CELF2: variants seen among roughly 807,000 people sequenced by gnomAD.
CELF2 encodes the protein CUGBP Elav-like family member 2.
A neutral mutation model predicts 62.6 loss-of-function variants in CELF2; 8 were observed. That is an observed-to-expected ratio of 0.13 (90% confidence interval 0.07 to 0.23). The LOEUF (loss-of-function observed/expected upper bound fraction) is 0.23. Among genes scored for constraint, CELF2 ranks in the 10% least tolerant of loss-of-function variants. CELF2 has a pLI of 1.00. For missense variants in CELF2, 333 were observed against 671.0 expected (o/e 0.50, Z 5.56); for synonymous variants, 258 against 250.0 (o/e 1.03, Z -0.30).
rs370622636 is a variant in CELF2 at position 11,243,705 on chromosome 10, G to A, written c.355-5448G>A. On this transcript the variant is annotated intron_variant, in intron 3 of 12. Transcript: ENST00000633077. This position sits in a 1 kb window ranked among gnomAD's most constrained non-coding sequence, Gnocchi z 4.1. ...TGGTGTTTGTAAAATTCTTAGACTC[G>A]TCGAACAGCATAGACAGATCATGAC... Among the ~76,000 whole-genome samples the A allele has an allele frequency of 3.0e-4, 45 of 152,272 alleles. No individual in the cohort carries two copies. The East Asian group carries it at 5.6e-3, about 19-fold the overall frequency.
chr10:10,741,927 T>A, the CELF2 span, among the ~76,000 whole-genome samples: 1 of 152,232 alleles, frequency 6.6e-6, no homozygotes. Flanking sequence ...GATTTCTCTA[T>A]TTCATTCTTT....
chr10:10,474,315 C>T, the CELF2 span, among the ~76,000 whole-genome samples: 459 of 151,996 alleles, frequency 3.0e-3, 3 homozygotes, highest in African/African-American at 0.011. Context: ...AATACCATAA[C>T]AAAAACAAGC....
chr10:10,936,440 T>G lies in CELF2; in HGVS notation c.89+16441T>G, dbSNP rs11256927. Among the ~76,000 whole-genome samples, 6,448 of 152,280 alleles carry G rather than the reference T, an allele frequency of 0.042. 428 individuals carry two copies. Among genetic ancestry groups the G allele is most frequent in the Admixed American group, 0.19 (2,924 of 15,294 alleles). ...TGGAACCTGTTTTGCATCGTCTCCT[T>G]GTTTCACAGATGAATAGGCTGAAGA... On this transcript the variant is annotated intron_variant, in intron 2 of 13. Coordinates refer to the CELF2 transcript ENST00000636488. The surrounding 1 kb of genome is among the most constrained non-coding windows in gnomAD (Gnocchi z 4.0).
At chr10:10,978,367 T>C (rs1299147276) in intron 2 of CELF2, among the ~76,000 whole-genome samples, 1 of 152,192 alleles carries the variant, frequency 6.6e-6, no homozygotes, top group Non-Finnish European at 1.5e-5. Context: ...GAATCCATCA[T>C]AAAAAATTGG....
At chr10:10,683,689 T>C in the CELF2 span, among the ~76,000 whole-genome samples, 2 of 152,202 alleles carry the variant, frequency 1.3e-5, no homozygotes, top group African/African-American at 4.8e-5. Context: ...AAAACACATA[T>C]GCATTGCGTG....
At chr10:10,658,305 C>A in the CELF2 span, among the ~76,000 whole-genome samples, 2 of 152,164 alleles carry the variant, frequency 1.3e-5, no homozygotes, top group Non-Finnish European at 2.9e-5. Flanking sequence ...TTTGTTCTGT[C>A]TTAAACTGTT....
At position 10,920,000 on chromosome 10, in the gene CELF2, G is replaced by A; in HGVS notation, c.89+1G>A. 8.1e-7 allele frequency: 1 copy of A among 1,231,492 alleles called. No homozygotes were observed. Among genetic ancestry groups the A allele is most frequent in the Non-Finnish European group, 1.0e-6 (1 of 987,804 alleles). The allele number at this position is 1,231,492 out of a possible 1,614,324, so 76.3% of individuals were successfully genotyped here. The stretch of plus-strand genomic sequence containing the variant: ...CAGAGTTAGCTGGGAGTCTACCAAG[G>A]TGAGCACGCTGGCTTTGCTTATTCT... On this transcript the variant is annotated splice_donor_variant, in intron 2 of 13. Transcript: ENST00000636488. LOFTEE classifies it high-confidence loss of function.
chr10:11,046,637 T>A lies in CELF2; in HGVS notation c.74+28474T>A, dbSNP rs2139798210. Among the ~76,000 whole-genome samples, 1 of 152,262 alleles carries A rather than the reference T, an allele frequency of 6.6e-6. No homozygotes were observed. Among genetic ancestry groups the A allele is most frequent in the South Asian group, 2.1e-4 (1 of 4,806 alleles). On this transcript the variant is annotated intron_variant, in intron 1 of 12. Transcript: ENST00000633077. This position sits in a 1 kb window ranked among gnomAD's most constrained non-coding sequence, Gnocchi z 4.6. Reference sequence around the variant, plus strand: ...CAAGGTTCTCCTCATTTACCCTTTCTTTTCCTAACTCATTTCAGACGGACG... The same window carrying A: ...CAAGGTTCTCCTCATTTACCCTTTCATTTCCTAACTCATTTCAGACGGACG...
the CELF2 span, among the ~76,000 whole-genome samples, chr10:10,587,235 A>C: frequency 9.0e-4 from 137 of 152,314 alleles, 1 homozygote; most frequent in East Asian, 0.014. Context: ...TGTAGCCCGC[A>C]TGGGGATTTA....
chr10:10,953,951 A>G (rs915834605), intron 2 of CELF2, among the ~76,000 whole-genome samples: 2 of 152,034 alleles, frequency 1.3e-5, no homozygotes, highest in South Asian at 4.1e-4. Flanking sequence ...GAAAGAGGCA[A>G]AGGGTATGAA....
At chr10:10,847,931 G>T (rs374558498) in intron 1 of CELF2, among the ~76,000 whole-genome samples, 35 of 152,282 alleles carry the variant, frequency 2.3e-4, no homozygotes, top group African/African-American at 7.9e-4. Context: ...AGTACATACT[G>T]TAAATTAAAG....
chr10:11,137,421 G>T lies in CELF2; in HGVS notation c.75-28065G>T, dbSNP rs527558989. The stretch of plus-strand genomic sequence containing the variant: ...AGGGTGGAAGCCGTGTTAGTACAAT[G>T]CTGTGGGTAAGAGCTTTGGTTTTAG... On this transcript the variant is annotated intron_variant, in intron 1 of 12. Coordinates refer to ENST00000633077, the MANE Select transcript of CELF2 (RefSeq NM_001326342.2). 2.3e-4 allele frequency among the ~76,000 whole-genome samples: 35 copies of T among 152,360 alleles called. 2 individuals carry two copies. Among genetic ancestry groups the T allele is most frequent in the Admixed American group, 1.4e-3 (22 of 15,310 alleles).
At chr10:11,084,396 T>C (rs35400188) in intron 1 of CELF2, among the ~76,000 whole-genome samples, 39,471 of 152,198 alleles carry the variant, frequency 0.26, 5,420 homozygotes, top group Middle Eastern at 0.31. Flanking sequence ...AAAGAAGGCG[T>C]GTGCCAGAGC....
chr10:11,144,764 C>T (rs1325984240), intron 1 of CELF2, among the ~76,000 whole-genome samples: 5 of 151,570 alleles, frequency 3.3e-5, no homozygotes, highest in African/African-American at 4.9e-5. Flanking sequence ...TGGTGGTGCA[C>T]GCCTGTCGTA....
chr10:11,010,552 A>G lies in CELF2; in HGVS notation c.53+5112A>G, dbSNP rs2056275512. Among the ~76,000 whole-genome samples, 6 of 152,240 alleles carry G rather than the reference A, an allele frequency of 3.9e-5. No homozygotes were observed. The highest frequency in any genetic ancestry group is 3.9e-4 in the Admixed American group (6 of 15,284). On this transcript the variant is annotated intron_variant, in intron 1 of 12. Coordinates refer to the CELF2 transcript ENST00000416382. This position sits in a 1 kb window ranked among gnomAD's most constrained non-coding sequence, Gnocchi z 4.1. ...GTATAATTTAATCCTCAGATATCCA[A>G]GAGTTAATGGTAGTTGTTATTCCCA...
At chr10:11,277,595 G>T (rs1371876925) in intron 8 of CELF2, among the ~76,000 whole-genome samples, 2 of 152,204 alleles carry the variant, frequency 1.3e-5, no homozygotes, top group African/African-American at 2.4e-5. Flanking sequence ...CCCCAGTGGA[G>T]CTTAAGTTAA....
intron 8 of CELF2, among the ~76,000 whole-genome samples, chr10:11,286,077 T>C (rs914017398): frequency 1.3e-5 from 2 of 152,216 alleles, no homozygotes; most frequent in Admixed American, 1.3e-4. Context: ...CCCTGTCTCC[T>C]TAGGAGGAGG....
At chr10:10,574,545 C>T in the CELF2 span, among the ~76,000 whole-genome samples, 2 of 152,088 alleles carry the variant, frequency 1.3e-5, no homozygotes, top group Non-Finnish European at 2.9e-5. Context: ...AACAACAGTT[C>T]CATTTAATTT....
chr10:11,092,893 T>C (rs1311326925), intron 1 of CELF2, among the ~76,000 whole-genome samples: 3 of 152,304 alleles, frequency 2.0e-5, no homozygotes, highest in Admixed American at 6.5e-5. Flanking sequence ...CATCCAGACA[T>C]AGGAGACAGA....
Sources: gnomAD v4.1 joint callset for allele counts (sites outside exome capture counted in the v4.1 genomes callset) on GRCh38, gnomAD v4.1.1 for gene constraint, Gnocchi (gnomAD v3.1) non-coding constraint, MANE v1.5 for transcripts, NCBI Gene and HGNC (gene_info 2026-07-23, HGNC 2026-07-21) for gene names.